PDE4D: variants seen among roughly 807,000 people sequenced by gnomAD.
PDE4D encodes phosphodiesterase 4D, also known as 3',5'-cyclic-AMP phosphodiesterase 4D.
PDE4D carries 24 observed loss-of-function variants against 87.4 expected under a neutral mutation model. The observed-to-expected ratio is 0.27, with a 90% CI of 0.20 to 0.39. The LOEUF (loss-of-function observed/expected upper bound fraction) is 0.39. PDE4D is among the 10% of genes least tolerant of loss of function. The pLI, the probability that PDE4D is intolerant of heterozygous loss-of-function variation, is 1.00. For synonymous variants in PDE4D, 384 were observed against 383.2 expected, an observed-to-expected ratio of 1.00 and a Z score of -0.02; for missense variants, 714 against 1,041.0, an observed-to-expected ratio of 0.69 and a Z score of 4.32.
intron 1 of PDE4D, among the ~76,000 whole-genome samples, chr5:59,228,168 T>C (rs1754256455): frequency 6.6e-6 from 1 of 152,020 alleles, no homozygotes; most frequent in African/African-American, 2.4e-5. Context: ...AACCAAATAC[T>C]GCATGTTTTC....
At chr5:59,665,244 C>A (rs1218540494) in intron 1 of PDE4D, among the ~76,000 whole-genome samples, 3 of 152,162 alleles carry the variant, frequency 2.0e-5, no homozygotes, top group Non-Finnish European at 4.4e-5. Flanking sequence ...GACCTTGTCA[C>A]CAATACTAAT....
chr5:59,217,429 C>A, intron 1 of PDE4D: 1 of 361,894 alleles, frequency 2.8e-6, no homozygotes, highest in South Asian at 2.2e-5. Flanking sequence ...GAAGATGTTT[C>A]ATGGATCACT....
At chr5:59,410,603 CT>C (rs1792489108) in intron 1 of PDE4D, among the ~76,000 whole-genome samples, 1 of 152,114 alleles carries the variant, frequency 6.6e-6, no homozygotes, top group African/African-American at 2.4e-5. Context: ...TGCAGTTTAT[CT>C]TTCTGTACCT....
chr5:59,309,553 A>G (rs1344978574), intron 1 of PDE4D, among the ~76,000 whole-genome samples: 1 of 152,170 alleles, frequency 6.6e-6, no homozygotes, highest in Non-Finnish European at 1.5e-5. Flanking sequence ...GTGTGTGTTC[A>G]GGAGAGGAGG....
chr5:59,765,094 C>T (rs145412660), intron 1 of PDE4D, among the ~76,000 whole-genome samples: 1 of 152,296 alleles, frequency 6.6e-6, no homozygotes, highest in African/African-American at 2.4e-5. Context: ...GAATAGGGCC[C>T]TGGTTCTCTG....
At chr5:59,512,425 A>G (rs1810440860) in intron 1 of PDE4D, among the ~76,000 whole-genome samples, 1 of 152,180 alleles carries the variant, frequency 6.6e-6, no homozygotes. Flanking sequence ...CATATGCCTT[A>G]TGATATTTAG....
chr5:60,340,397 A>C (rs1303263562), intron 1 of PDE4D, among the ~76,000 whole-genome samples: 1 of 152,080 alleles, frequency 6.6e-6, no homozygotes, highest in East Asian at 1.9e-4. Context: ...GAAATATTTA[A>C]AGAGATTGTA....
chr5:59,039,519 T>C, intron 5 of PDE4D: 1 of 985,764 alleles, frequency 1.0e-6, no homozygotes, highest in Non-Finnish European at 1.2e-6. Flanking sequence ...CCACGTTTCC[T>C]GTTTTCTTTC....
At chr5:60,158,770 C>T (rs960201662) in intron 2 of PDE4D, among the ~76,000 whole-genome samples, 11 of 152,214 alleles carry the variant, frequency 7.2e-5, no homozygotes, top group Non-Finnish European at 1.2e-4. Flanking sequence ...GGGGTTTCAC[C>T]GTGCTAGCCA....
intron 3 of PDE4D, among the ~76,000 whole-genome samples, chr5:59,978,139 T>C (rs944251928): frequency 2.0e-5 from 3 of 152,180 alleles, no homozygotes; most frequent in African/African-American, 7.2e-5. Context: ...CTGAAGCCCA[T>C]GTTCCAAGGA....
At chr5:60,477,006 T>G (rs984550209) in intron 1 of PDE4D, among the ~76,000 whole-genome samples, 1 of 152,130 alleles carries the variant, frequency 6.6e-6, no homozygotes, top group Non-Finnish European at 1.5e-5. Context: ...AAATATATAT[T>G]TGTTGGTTGA....
At position 59,482,263 on chromosome 5, in the gene PDE4D, T is replaced by C. The variant is rs909418182; in HGVS notation, c.456-266295A>G. On this transcript the variant is annotated intron_variant, in intron 1 of 14. Coordinates refer to ENST00000340635, the MANE Select transcript of PDE4D (RefSeq NM_001104631.2). ...ACATATTTTAATTCCTTAATACTTT[T>C]GGAAAGTTGCTTCAATTAATTAAGT... Among the ~76,000 whole-genome samples the C allele has an allele frequency of 3.3e-5, 5 of 152,180 alleles. No individual in the cohort carries two copies. In the South Asian group the frequency reaches 6.2e-4, roughly 19 times the overall value.
At chr5:59,170,365 C>T (rs1304406161) in intron 5 of PDE4D, among the ~76,000 whole-genome samples, 1 of 152,090 alleles carries the variant, frequency 6.6e-6, no homozygotes, top group African/African-American at 2.4e-5. Flanking sequence ...ACATTTTTGT[C>T]ATAGGCTCAA....
intron 1 of PDE4D, among the ~76,000 whole-genome samples, chr5:59,863,600 A>T (rs1400095988): frequency 6.6e-6 from 1 of 152,174 alleles, no homozygotes; most frequent in Non-Finnish European, 1.5e-5. Flanking sequence ...TGTTTTAGGC[A>T]TGATGGTACT....
intron 1 of PDE4D, among the ~76,000 whole-genome samples, chr5:59,508,112 G>T (rs956930383): frequency 3.3e-5 from 5 of 151,998 alleles, no homozygotes; most frequent in Admixed American, 6.6e-5. Context: ...TGCTTTGTTT[G>T]TTTTTTTGTT....
intron 2 of PDE4D, among the ~76,000 whole-genome samples, chr5:60,014,226 C>G (rs1561980455): frequency 6.6e-6 from 1 of 151,848 alleles, no homozygotes; most frequent in African/African-American, 2.4e-5. Context: ...TTTCTTGGAC[C>G]ATCCAGCCCA....
At chr5:59,170,944 CCATCTCGG>C (rs879317577) in intron 5 of PDE4D, among the ~76,000 whole-genome samples, 2 of 149,718 alleles carry the variant, frequency 1.3e-5, no homozygotes, top group African/African-American at 2.5e-5. Context: ...TGCAATGGTG[CCATCTCGG>C]CTCACTGTAA....
chr5:60,025,721 T>A (rs1379197199), intron 2 of PDE4D, among the ~76,000 whole-genome samples: 2 of 152,062 alleles, frequency 1.3e-5, no homozygotes, highest in Non-Finnish European at 2.9e-5. Flanking sequence ...ATTAGTTTAT[T>A]TCCATGTAAG....
chr5:59,039,456 C>T, intron 5 of PDE4D: 1 of 992,242 alleles, frequency 1.0e-6, no homozygotes, highest in Non-Finnish European at 1.2e-6. Context: ...CCTGCCGAGC[C>T]TTCTGCACGG....
Sources: gnomAD v4.1 joint callset for allele counts (sites outside exome capture counted in the v4.1 genomes callset) on GRCh38, gnomAD v4.1.1 for gene constraint, MANE v1.5 for transcripts, NCBI Gene and HGNC (gene_info 2026-07-23, HGNC 2026-07-21) for gene names.